Variants in KPNA1 observed in about 807,000 individuals in gnomAD.
The protein encoded by KPNA1 is karyopherin subunit alpha 1.
In KPNA1, 10 loss-of-function variants were observed where a neutral mutation model predicts 70.5. The ratio of observed to expected loss-of-function variants is 0.14; its 90% CI spans 0.09 to 0.24. The LOEUF (loss-of-function observed/expected upper bound fraction) is 0.24. Among genes scored for constraint, KPNA1 ranks in the 10% least tolerant of loss-of-function variants. The pLI, the probability that KPNA1 is intolerant of heterozygous loss-of-function variation, is 1.00. For synonymous variants in KPNA1, 192 were observed against 221.9 expected, an observed-to-expected ratio of 0.87 and a Z score of 1.20; for missense variants, 397 against 637.9, an observed-to-expected ratio of 0.62 and a Z score of 4.07.
intron 3 of KPNA1, among the ~76,000 whole-genome samples, chr3:122,465,455 T>C (rs538106746): frequency 1.3e-5 from 2 of 152,354 alleles, no homozygotes; most frequent in South Asian, 2.1e-4. Context: ...CTTAATACTG[T>C]ACTGAAAATG....
intron 2 of KPNA1, among the ~76,000 whole-genome samples, chr3:122,488,072 A>T (rs1428898733): frequency 2.0e-5 from 3 of 152,188 alleles, no homozygotes; most frequent in African/African-American, 7.2e-5. Context: ...AAAGTATGAT[A>T]ACACTATTCT....
intron 5 of KPNA1, among the ~76,000 whole-genome samples, chr3:122,455,059 A>G (rs1230376374): frequency 6.6e-6 from 1 of 152,194 alleles, no homozygotes; most frequent in African/African-American, 2.4e-5. Flanking sequence ...ATTCCATGGC[A>G]TGTCCTTTAA....
At chr3:122,447,668 G>C (rs1407558101) in intron 9 of KPNA1, among the ~76,000 whole-genome samples, 1 of 152,164 alleles carries the variant, frequency 6.6e-6, no homozygotes, top group Non-Finnish European at 1.5e-5. Context: ...GGAAGTTCTG[G>C]CCAGGGCAAT....
At chr3:122,475,194 C>CATTT in intron 2 of KPNA1, among the ~76,000 whole-genome samples, 1 of 152,204 alleles carries the variant, frequency 6.6e-6, no homozygotes, top group Admixed American at 6.5e-5. Context: ...AAACGTGTAG[C>CATTT]ATTTCCATAC....
chr3:122,422,736 C>A lies in KPNA1; in HGVS notation c.*4249G>T, dbSNP rs1034168168. The A allele has an allele frequency of 1.3e-5, 2 of 152,086 alleles. No homozygotes were observed. The highest frequency in any genetic ancestry group is 1.3e-4 in the Admixed American group (2 of 15,270). 9.4% of individuals were successfully genotyped at this position (152,086 alleles called of 1,614,324 possible). ...CACTTTGTCATCTATAATATAGTGA[C>A]AATTATCAAAGAACATTTGGAAGAC... On this transcript the variant is annotated 3_prime_UTR_variant, in exon 14 of 14. Transcript: ENST00000344337.
At chr3:122,482,097 T>C (rs1316768047) in intron 2 of KPNA1, among the ~76,000 whole-genome samples, 3 of 152,266 alleles carry the variant, frequency 2.0e-5, no homozygotes, top group Non-Finnish European at 4.4e-5. Flanking sequence ...CACGACTTCA[T>C]CATCATGTGA....
At chr3:122,514,292 T>C (rs930224833) in intron 1 of KPNA1, among the ~76,000 whole-genome samples, 3 of 151,816 alleles carry the variant, frequency 2.0e-5, no homozygotes, top group African/African-American at 7.3e-5. Context: ...GACGGTCCCT[T>C]TTTGCCAGGG....
chr3:122,430,652 C>G (rs571929716), intron 12 of KPNA1, among the ~76,000 whole-genome samples: 5 of 151,850 alleles, frequency 3.3e-5, no homozygotes, highest in Non-Finnish European at 7.4e-5. Context: ...CACAGACCCA[C>G]ACAAAAAGAA....
intron 9 of KPNA1, 42 bp from the exon 10 acceptor site, chr3:122,442,158 C>T: frequency 6.8e-7 from 1 of 1,465,442 alleles, no homozygotes; most frequent in Non-Finnish European, 9.5e-7. Context: ...CAGTTCTATC[C>T]TTAGTTTCAT....
At chr3:122,441,782 G>A (rs1293161256) in intron 10 of KPNA1, among the ~76,000 whole-genome samples, 1 of 152,014 alleles carries the variant, frequency 6.6e-6, no homozygotes, top group Non-Finnish European at 1.5e-5. Flanking sequence ...TGTATTTTTA[G>A]TAGAGATGAG....
chr3:122,460,660 A>G lies in KPNA1; in HGVS notation c.432+564T>C, dbSNP rs548098033. The stretch of plus-strand genomic sequence containing the variant: ...TCAAGAAAAAGAAGAAAAAAAAAAA[A>G]AAGAAAATTCTGAATCCAGAGATTA... On this transcript the variant is annotated intron_variant, in intron 5 of 13. Transcript: ENST00000344337. 3.1e-5 allele frequency: 25 copies of G among 815,644 alleles called. No individual in the cohort carries two copies. The African/African-American group carries it at 4.6e-4, about 15-fold the overall frequency. The allele number at this position is 815,644 out of a possible 1,614,324, so 50.5% of individuals were successfully genotyped here.
intron 1 of KPNA1, among the ~76,000 whole-genome samples, chr3:122,496,969 G>C (rs966912296): frequency 6.6e-6 from 1 of 152,196 alleles, no homozygotes; most frequent in Non-Finnish European, 1.5e-5. Flanking sequence ...CTCCCAAAGG[G>C]CTGGGATTTC....
rs535266882 is a variant in KPNA1, at chr3:122,500,167, G to A, written c.-5-3597C>T. Among the ~76,000 whole-genome samples, 4 of 152,224 alleles carry A rather than the reference G, an allele frequency of 2.6e-5. No individual in the cohort carries two copies. The South Asian group carries it at 6.2e-4, about 24-fold the overall frequency. On this transcript the variant is annotated intron_variant, in intron 1 of 13. Coordinates refer to ENST00000344337, the MANE Select transcript of KPNA1 (RefSeq NM_002264.4). ...GATGGAGTCTCACTCTGTTGCCCAG[G>A]CTGGAGTGCAGTGGCGTAATCTCGG...
intron 2 of KPNA1, among the ~76,000 whole-genome samples, chr3:122,495,963 A>C (rs560178681): frequency 1.6e-4 from 25 of 152,360 alleles, no homozygotes; most frequent in African/African-American, 6.0e-4. Context: ...AACACGAAGC[A>C]AGTGTAGCAA....
At chr3:122,511,040 A>T (rs1391999067) in intron 1 of KPNA1, among the ~76,000 whole-genome samples, 1 of 152,186 alleles carries the variant, frequency 6.6e-6, no homozygotes, top group Admixed American at 6.5e-5. Flanking sequence ...CAACTCCACT[A>T]CTTTGTGAAG....
rs1375663491 is a variant in KPNA1 at position 122,500,666 on chromosome 3, TTGGG to T, written c.-5-4100_-5-4097del. On this transcript the variant is annotated intron_variant, in intron 1 of 13. Transcript: ENST00000344337. Reference sequence around the variant, plus strand: ...TGCATGCCCAGATTATTATTATATATTGGGCTGGGGGGCTAGGGGGATAGAGATA... The same window carrying T: ...TGCATGCCCAGATTATTATTATATATCTGGGGGGCTAGGGGGATAGAGATA... Among the ~76,000 whole-genome samples, 107 of 151,982 alleles carry T rather than the reference TTGGG, an allele frequency of 7.0e-4. 1 individual carries two copies. In the South Asian group the frequency reaches 0.021, roughly 30 times the overall value.
intron 1 of KPNA1, among the ~76,000 whole-genome samples, chr3:122,498,578 T>C (rs2076789425): frequency 6.6e-6 from 1 of 152,220 alleles, no homozygotes; most frequent in South Asian, 2.1e-4. Flanking sequence ...TAGTTTAATT[T>C]CTTGACATTC....
chr3:122,514,915 T>A lies in KPNA1; in HGVS notation c.-164A>T, dbSNP rs2077002379. The A allele has an allele frequency of 6.6e-6, 1 of 152,252 alleles. No homozygotes were observed. The highest frequency in any genetic ancestry group is 1.5e-5 in the Non-Finnish European group (1 of 68,062). 9.4% of individuals were successfully genotyped at this position (152,252 alleles called of 1,614,324 possible). ...GCCGCCTCGCACCGAGCAGCGAGAC[T>A]CAGCTCAGCCGGCGTTCGCAGTGCG... On this transcript the variant is annotated 5_prime_UTR_variant, in exon 1 of 14. Transcript: ENST00000344337.
In KPNA1 at chr3:122,429,469, A is replaced by AAG. The variant is rs1553780496; in HGVS notation, c.1251-1754_1251-1753insCT. 2.7e-5 allele frequency among the ~76,000 whole-genome samples: 4 copies of AAG among 149,818 alleles called. No homozygotes were observed. The East Asian group carries it at 7.8e-4, about 29-fold the overall frequency. On this transcript the variant is annotated intron_variant, in intron 12 of 13. Transcript: ENST00000344337. ...CTCAAAAAAAAAAAAAAAAAAAAAA[A>AAG]GAATCTCATTTACATCAGCATCAAA...
Sources: gnomAD v4.1 joint callset for allele counts (sites outside exome capture counted in the v4.1 genomes callset) on GRCh38, gnomAD v4.1.1 for gene constraint, MANE v1.5 for transcripts, NCBI Gene and HGNC (gene_info 2026-07-23, HGNC 2026-07-21) for gene names.